LINC00305: variants seen among roughly 807,000 people sequenced by gnomAD.
LINC00305 encodes the protein long intergenic non-protein coding RNA 305.
At chr18:64,141,052 T>TAAAAAA (rs34175314) in intron 1 of LINC00305, among the ~76,000 whole-genome samples, 8 of 96,330 alleles carry the variant, frequency 8.3e-5, no homozygotes, top group Non-Finnish European at 9.7e-5. Context: ...GCCTGAATGA[T>TAAAAAA]AAAAAAAAAA....
intron 1 of LINC00305, among the ~76,000 whole-genome samples, chr18:64,144,233 A>C (rs2051485920): frequency 6.6e-6 from 1 of 152,200 alleles, no homozygotes; most frequent in Non-Finnish European, 1.5e-5. Flanking sequence ...CTATAGAATT[A>C]GGTTTTGTTG....
At chr18:64,139,136 A>G (rs72949535) in intron 1 of LINC00305, among the ~76,000 whole-genome samples, 10,687 of 152,316 alleles carry the variant, frequency 0.07, 554 homozygotes, top group Non-Finnish European at 0.11. Flanking sequence ...CTGAAATTCC[A>G]AATCAAGTCT....
chr18:64,089,138 T>C (rs2051215390), intron 3 of LINC00305, among the ~76,000 whole-genome samples: 1 of 152,208 alleles, frequency 6.6e-6, no homozygotes, highest in Non-Finnish European at 1.5e-5. Flanking sequence ...ATCTGAATTT[T>C]AATCCCCAGA....
chr18:64,092,111 C>A (rs561202164), intron 3 of LINC00305, among the ~76,000 whole-genome samples: 29 of 152,252 alleles, frequency 1.9e-4, no homozygotes, highest in Non-Finnish European at 3.8e-4. Context: ...TTAATTTCAC[C>A]TATGTCACCT....
intron 1 of LINC00305, chr18:64,127,447 A>C (rs2051390262): frequency 6.6e-6 from 1 of 152,136 alleles, no homozygotes; most frequent in Non-Finnish European, 1.5e-5. Context: ...CTGGTAAGTG[A>C]AATTGACACT....
chr18:64,119,050 C>CA (rs937377275), intron 1 of LINC00305, among the ~76,000 whole-genome samples: 24 of 149,376 alleles, frequency 1.6e-4, no homozygotes, highest in Admixed American at 3.3e-4. Flanking sequence ...TACAAGTATA[C>CA]AAAAAAAAAG....
intron 1 of LINC00305, among the ~76,000 whole-genome samples, chr18:64,118,642 C>T (rs896884800): frequency 6.6e-6 from 1 of 152,046 alleles, no homozygotes; most frequent in African/African-American, 2.4e-5. Flanking sequence ...CATCTGCTTT[C>T]AACATTCCAC....
At chr18:64,081,350 T>G (rs1966846511) in intron 3 of LINC00305, among the ~76,000 whole-genome samples, 1 of 152,240 alleles carries the variant, frequency 6.6e-6, no homozygotes, top group African/African-American at 2.4e-5. Flanking sequence ...ATTAAAATAT[T>G]AATGCAAGGA....
At chr18:64,140,734 A>T (rs2051458324) in intron 1 of LINC00305, among the ~76,000 whole-genome samples, 1 of 152,150 alleles carries the variant, frequency 6.6e-6, no homozygotes, top group African/African-American at 2.4e-5. Flanking sequence ...GACTTTGCAG[A>T]TGGCGTTAAG....
intron 2 of LINC00305, chr18:64,098,174 T>A (rs552264471): frequency 1.8e-5 from 6 of 336,134 alleles, no homozygotes; most frequent in African/African-American, 1.3e-4. Context: ...ATCTGAAGCC[T>A]TTTTCTATGT....
At chr18:64,084,219 T>C (rs1279304730) in intron 3 of LINC00305, among the ~76,000 whole-genome samples, 2 of 152,242 alleles carry the variant, frequency 1.3e-5, no homozygotes, top group East Asian at 3.8e-4. Context: ...CTCATGTATA[T>C]GGCATATAGT....
intron 3 of LINC00305, among the ~76,000 whole-genome samples, chr18:64,087,991 C>T (rs1411119977): frequency 2.0e-5 from 3 of 151,890 alleles, no homozygotes; most frequent in African/African-American, 7.3e-5. Context: ...GGCGTGGTGG[C>T]GGGCGCCTGT....
intron 1 of LINC00305, among the ~76,000 whole-genome samples, chr18:64,134,673 C>G (rs918000680): frequency 6.6e-6 from 1 of 152,090 alleles, no homozygotes; most frequent in African/African-American, 2.4e-5. Flanking sequence ...GTCCAAGTTA[C>G]GTCATTTTCT....
At chr18:64,093,393 G>C (rs2051232424) in intron 3 of LINC00305, among the ~76,000 whole-genome samples, 1 of 152,138 alleles carries the variant, frequency 6.6e-6, no homozygotes, top group Non-Finnish European at 1.5e-5. Flanking sequence ...GGAGTACAGT[G>C]GTGCGATCTT....
chr18:64,088,247 C>G (rs2051211844), intron 3 of LINC00305, among the ~76,000 whole-genome samples: 1 of 152,190 alleles, frequency 6.6e-6, no homozygotes, highest in African/African-American at 2.4e-5. Context: ...TCAACTCTTT[C>G]TTTTCCCTCA....
chr18:64,108,812 G>T (rs2051302917), intron 1 of LINC00305, among the ~76,000 whole-genome samples: 2 of 152,158 alleles, frequency 1.3e-5, no homozygotes, highest in Non-Finnish European at 1.5e-5. Flanking sequence ...TCACTTATCT[G>T]TCTGTGTAAA....
intron 1 of LINC00305, among the ~76,000 whole-genome samples, chr18:64,112,434 A>G (rs1284246221): frequency 6.6e-6 from 1 of 152,136 alleles, no homozygotes; most frequent in Non-Finnish European, 1.5e-5. Flanking sequence ...GAAAATATTC[A>G]TATTTCCGTT....
intron 1 of LINC00305, among the ~76,000 whole-genome samples, chr18:64,126,989 T>C (rs893036950): frequency 6.6e-6 from 1 of 152,130 alleles, no homozygotes; most frequent in Non-Finnish European, 1.5e-5. Context: ...CGGAGGTACA[T>C]GTGCATGTTT....
intron 1 of LINC00305, among the ~76,000 whole-genome samples, chr18:64,131,270 G>T (rs112811523): frequency 1.3e-5 from 2 of 152,040 alleles, no homozygotes; most frequent in Non-Finnish European, 2.9e-5. Flanking sequence ...TTTAAAATGC[G>T]GTATTCATTT....
Sources: gnomAD v4.1 joint callset for allele counts (sites outside exome capture counted in the v4.1 genomes callset) on GRCh38, gnomAD v4.1.1 for gene constraint, MANE v1.5 for transcripts, NCBI Gene and HGNC (gene_info 2026-07-23, HGNC 2026-07-21) for gene names.